The following ST6GAL1 variants were observed in gnomAD, a reference collection of about 807,000 sequenced individuals.
ST6GAL1 encodes beta-galactoside alpha-2,6-sialyltransferase 1.
A neutral mutation model predicts 38.0 loss-of-function variants in ST6GAL1; 20 were observed. The observed-to-expected ratio is 0.53, with a 90% CI of 0.37 to 0.77. ST6GAL1 has a LOEUF of 0.77. Among genes scored for constraint, ST6GAL1 ranks in the 30% least tolerant of loss-of-function variants. The pLI, the probability that ST6GAL1 is intolerant of heterozygous loss-of-function variation, is 0.00. For missense variants in ST6GAL1, 432 were observed against 496.4 expected (o/e 0.87, Z 1.23); for synonymous variants, 196 against 188.2 (o/e 1.04, Z -0.34).
At chr3:187,029,390 A>G (rs1418134406) in intron 2 of ST6GAL1, among the ~76,000 whole-genome samples, 1 of 152,172 alleles carries the variant, frequency 6.6e-6, no homozygotes. Context: ...GGTTATTGCA[A>G]GTGTTGGACA....
chr3:186,969,554 C>T (rs1715277513), intron 2 of ST6GAL1, among the ~76,000 whole-genome samples: 1 of 152,148 alleles, frequency 6.6e-6, no homozygotes, highest in African/African-American at 2.4e-5. Context: ...TGTAAGGTTT[C>T]CTTATATATT....
intron 5 of ST6GAL1, among the ~76,000 whole-genome samples, chr3:187,058,954 A>C (rs1351188258): frequency 6.6e-6 from 1 of 152,068 alleles, no homozygotes; most frequent in East Asian, 1.9e-4. Context: ...TTTTATTGTT[A>C]CTAGAAGAGA....
At chr3:186,953,815 T>G (rs1278249152) in intron 1 of ST6GAL1, among the ~76,000 whole-genome samples, 3 of 152,038 alleles carry the variant, frequency 2.0e-5, no homozygotes, top group South Asian at 2.1e-4. Flanking sequence ...GAGAGGTTTT[T>G]TTTTTTTTTT....
intron 2 of ST6GAL1, among the ~76,000 whole-genome samples, chr3:186,997,567 G>A (rs946280497): frequency 1.3e-5 from 2 of 152,068 alleles, no homozygotes; most frequent in Non-Finnish European, 2.9e-5. Flanking sequence ...CCCAGCCTGG[G>A]CAACATAGTA....
At chr3:187,027,196 A>G (rs570382212) in intron 2 of ST6GAL1, among the ~76,000 whole-genome samples, 1 of 152,170 alleles carries the variant, frequency 6.6e-6, no homozygotes, top group South Asian at 2.1e-4. Flanking sequence ...GCATAAAATT[A>G]CTCTTTAAAA....
chr3:186,951,322 G>A (rs1206694528), intron 1 of ST6GAL1, among the ~76,000 whole-genome samples: 2 of 152,148 alleles, frequency 1.3e-5, no homozygotes. Context: ...CTCCCAAAGT[G>A]CTGGGATTAC....
intron 2 of ST6GAL1, among the ~76,000 whole-genome samples, chr3:186,976,542 G>A (rs1715527390): frequency 6.6e-6 from 1 of 152,008 alleles, no homozygotes; most frequent in Admixed American, 6.6e-5. Flanking sequence ...CGCTTCTCCT[G>A]CTTCAGCCTC....
At chr3:187,004,808 A>G (rs949839206) in intron 2 of ST6GAL1, among the ~76,000 whole-genome samples, 5 of 152,220 alleles carry the variant, frequency 3.3e-5, no homozygotes, top group Admixed American at 3.3e-4. Context: ...AGAGAAATTG[A>G]TTGAAAATAC....
chr3:187,043,503 A>G (rs1214576203), intron 4 of ST6GAL1, among the ~76,000 whole-genome samples, 193 bp downstream of exon 4: 3 of 152,180 alleles, frequency 2.0e-5, no homozygotes, highest in Non-Finnish European at 4.4e-5. Flanking sequence ...CGCATCTTTT[A>G]TCAATTAGAA....
intron 2 of ST6GAL1, among the ~76,000 whole-genome samples, chr3:187,009,279 A>G (rs1447243975): frequency 6.6e-6 from 1 of 152,072 alleles, no homozygotes; most frequent in East Asian, 1.9e-4. Flanking sequence ...CTATGGTCGT[A>G]TTTTTTTAAA....
chr3:186,945,310 TA>T (rs879622812), intron 1 of ST6GAL1, among the ~76,000 whole-genome samples: 9,360 of 133,966 alleles, frequency 0.07, 764 homozygotes, highest in African/African-American at 0.21. Flanking sequence ...TGTCTCTATT[TA>T]AAAAAAAAAA....
At chr3:186,953,637 G>A (rs989960493) in intron 1 of ST6GAL1, among the ~76,000 whole-genome samples, 5 of 152,140 alleles carry the variant, frequency 3.3e-5, no homozygotes, top group African/African-American at 7.2e-5. Context: ...ATGAGGGCAA[G>A]GATGTTATCT....
At chr3:187,017,132 T>C (rs930254699) in intron 2 of ST6GAL1, among the ~76,000 whole-genome samples, 1 of 152,060 alleles carries the variant, frequency 6.6e-6, no homozygotes, top group African/African-American at 2.4e-5. Flanking sequence ...ACTTCCTAGG[T>C]TGTGGAGGAG....
At chr3:187,067,087 T>TC (rs1719181179) in intron 5 of ST6GAL1, among the ~76,000 whole-genome samples, 5 of 84,308 alleles carry the variant, frequency 5.9e-5, no homozygotes, top group East Asian at 4.5e-4. Context: ...CTTTCTTTTT[T>TC]TTTTTTTTTT....
Position 186,952,853 on chromosome 3 carries a change from G to A in ST6GAL1, c.-324-10932G>A, listed in dbSNP as rs1314028974. On this transcript the variant is annotated intron_variant, in intron 1 of 7. Transcript: ENST00000169298. The surrounding 1 kb of genome is among the most constrained non-coding windows in gnomAD (Gnocchi z 4.1). Reference sequence around the variant, plus strand: ...TCTCAAATATGACAAGCCCAAAATCGAACTGCTGCTTTTCTCCCTAAAAGA... The same window carrying A: ...TCTCAAATATGACAAGCCCAAAATCAAACTGCTGCTTTTCTCCCTAAAAGA... Among the ~76,000 whole-genome samples, 1 of 151,996 alleles carries A rather than the reference G, an allele frequency of 6.6e-6. No homozygotes were observed. Among genetic ancestry groups the A allele is most frequent in the African/African-American group, 2.4e-5 (1 of 41,362 alleles).
intron 1 of ST6GAL1, among the ~76,000 whole-genome samples, chr3:186,933,574 C>T (rs1713837839): frequency 6.6e-6 from 1 of 152,228 alleles, no homozygotes; most frequent in African/African-American, 2.4e-5. Context: ...CCTCTTGGCA[C>T]TGCAGTATAG....
chr3:186,937,635 CAA>C (rs78401744), intron 1 of ST6GAL1, among the ~76,000 whole-genome samples: 27,876 of 152,006 alleles, frequency 0.18, 2,908 homozygotes, highest in East Asian at 0.32. Flanking sequence ...GCAGGGGTAA[CAA>C]GAGATTAGTG....
chr3:186,983,822 T>A (rs1715772945), intron 2 of ST6GAL1, among the ~76,000 whole-genome samples: 1 of 152,208 alleles, frequency 6.6e-6, no homozygotes, highest in Middle Eastern at 3.4e-3. Context: ...GAATCCTTGC[T>A]CCAGAGTAAA....
At position 187,075,504 on chromosome 3, in the gene ST6GAL1, A is replaced by T. The variant is rs539064456; in HGVS notation, c.980-58A>T. The T allele has an allele frequency of 1.2e-5, 19 of 1,594,448 alleles. No homozygotes were observed. The South Asian group carries it at 2.1e-4, about 18-fold the overall frequency. ...ATGAGCTGCTGAACCCACTGGGCAG[A>T]GCTCTGGGGTGCTGGGGTGGGTTGT... is the stretch of plus-strand genomic sequence containing the variant. On this transcript the variant is annotated intron_variant, in intron 7 of 7. Transcript: ENST00000169298. This position sits in a 1 kb window ranked among gnomAD's most constrained non-coding sequence, Gnocchi z 4.1.
Sources: allele counts gnomAD v4.1 joint callset (sites outside exome capture counted in the v4.1 genomes callset), GRCh38; gene constraint gnomAD v4.1.1; non-coding constraint Gnocchi (gnomAD v3.1); transcripts MANE v1.5; gene names NCBI Gene and HGNC (gene_info 2026-07-23, HGNC 2026-07-21).